The following LDB2 variants were observed in gnomAD, a reference collection of about 807,000 sequenced individuals.
The protein encoded by LDB2 is LIM domain-binding protein 2.
Under a neutral mutation model 44.3 loss-of-function variants are expected in LDB2, and 12 were observed. The observed-to-expected ratio is 0.27, with a 90% CI of 0.17 to 0.44. The LOEUF is 0.44. Among genes scored for constraint, LDB2 ranks in the 20% least tolerant of loss-of-function variants. LDB2 has a pLI of 1.00. For missense variants in LDB2, 344 were observed against 473.5 expected (o/e 0.73, Z 2.54); for synonymous variants, 164 against 174.8 (o/e 0.94, Z 0.49).
intron 1 of LDB2, among the ~76,000 whole-genome samples, chr4:16,867,142 T>G (rs1456727032): frequency 6.6e-6 from 1 of 152,118 alleles, no homozygotes; most frequent in Non-Finnish European, 1.5e-5. Context: ...GGAGCCAACA[T>G]CAACTGCCAG....
chr4:16,634,123 C>G (rs6849333), intron 2 of LDB2, among the ~76,000 whole-genome samples: 5 of 151,808 alleles, frequency 3.3e-5, no homozygotes, highest in Non-Finnish European at 7.4e-5. Flanking sequence ...CAAGATGGAT[C>G]AAAGACTTAA....
chr4:16,558,273 G>C (rs1577691356), intron 5 of LDB2, among the ~76,000 whole-genome samples: 1 of 152,052 alleles, frequency 6.6e-6, no homozygotes, highest in Non-Finnish European at 1.5e-5. Context: ...AGCTACAGGA[G>C]GAAATGCAAA....
At chr4:16,805,371 T>C (rs1778586233) in intron 1 of LDB2, among the ~76,000 whole-genome samples, 1 of 152,230 alleles carries the variant, frequency 6.6e-6, no homozygotes, top group South Asian at 2.1e-4. Context: ...CCAAAGTCAT[T>C]GGTTTATGAA....
chr4:16,742,765 A>AC (rs1561068979), intron 2 of LDB2, among the ~76,000 whole-genome samples: 2 of 152,140 alleles, frequency 1.3e-5, no homozygotes, highest in African/African-American at 4.8e-5. Flanking sequence ...GTCTCTTAAA[A>AC]ACCACAGAGT....
chr4:16,667,186 G>A (rs1229967399), intron 2 of LDB2, among the ~76,000 whole-genome samples: 1 of 152,086 alleles, frequency 6.6e-6, no homozygotes, highest in Non-Finnish European at 1.5e-5. Flanking sequence ...CACTGCTGAC[G>A]GTTCTCAAAA....
At chr4:16,567,852 A>G (rs1324567603) in intron 5 of LDB2, among the ~76,000 whole-genome samples, 2 of 152,210 alleles carry the variant, frequency 1.3e-5, no homozygotes, top group Non-Finnish European at 2.9e-5. Context: ...TTACAGTACA[A>G]ATACTTTTTT....
At chr4:16,712,764 A>G (rs1244127826) in intron 2 of LDB2, among the ~76,000 whole-genome samples, 3 of 152,202 alleles carry the variant, frequency 2.0e-5, no homozygotes, top group African/African-American at 7.2e-5. Context: ...GTGGGAATGT[A>G]AAATGGTGCA....
At chr4:16,890,617 T>C (rs1160635735) in intron 1 of LDB2, among the ~76,000 whole-genome samples, 1 of 152,120 alleles carries the variant, frequency 6.6e-6, no homozygotes, top group African/African-American at 2.4e-5. Flanking sequence ...ACCAATATGC[T>C]CCAGGACAGA....
At chr4:16,773,880 C>A (rs1771257145) in intron 1 of LDB2, among the ~76,000 whole-genome samples, 1 of 151,486 alleles carries the variant, frequency 6.6e-6, no homozygotes, top group Non-Finnish European at 1.5e-5. Context: ...TCAGGCCAGG[C>A]ACGGTGGATC....
intron 2 of LDB2, among the ~76,000 whole-genome samples, chr4:16,658,544 A>ATT (rs35258299): frequency 1.6e-4 from 24 of 150,784 alleles, no homozygotes; most frequent in Middle Eastern, 3.4e-3. Context: ...TCTAGATCTG[A>ATT]TTTTTTTTTT....
At chr4:16,771,546 A>G (rs1579514046) in intron 1 of LDB2, among the ~76,000 whole-genome samples, 1 of 151,714 alleles carries the variant, frequency 6.6e-6, no homozygotes, top group South Asian at 2.1e-4. Flanking sequence ...ATCTCCCCCA[A>G]CTCCATCCCC....
intron 2 of LDB2, among the ~76,000 whole-genome samples, chr4:16,688,564 T>C (rs775107356): frequency 2.0e-5 from 3 of 152,220 alleles, no homozygotes; most frequent in Non-Finnish European, 4.4e-5. Context: ...TAGATTATAA[T>C]ATGGGATCTG....
chr4:16,805,324 A>G (rs1317311061), intron 1 of LDB2, among the ~76,000 whole-genome samples: 1 of 152,254 alleles, frequency 6.6e-6, no homozygotes, highest in Admixed American at 6.5e-5. Context: ...GGGTAAGTCA[A>G]CAAACTCATT....
intron 1 of LDB2, among the ~76,000 whole-genome samples, chr4:16,873,063 T>A (rs1294470270): frequency 1.3e-5 from 2 of 152,144 alleles, no homozygotes; most frequent in Admixed American, 1.3e-4. Context: ...GTGGTAAAGA[T>A]GCTGTGAAGG....
chr4:16,700,698 CA>C (rs1314816544), intron 2 of LDB2, among the ~76,000 whole-genome samples: 8 of 152,166 alleles, frequency 5.3e-5, no homozygotes, highest in African/African-American at 1.9e-4. Flanking sequence ...TGTAAATATA[CA>C]AAGTGGGAGG....
At chr4:16,836,720 C>T (rs1784938446) in intron 1 of LDB2, among the ~76,000 whole-genome samples, 2 of 152,114 alleles carry the variant, frequency 1.3e-5, no homozygotes, top group African/African-American at 4.8e-5. Flanking sequence ...GTTACCAATG[C>T]TGTGCACAGA....
In LDB2 at chr4:16,803,128, T is replaced by C. The variant is rs141570366; in HGVS notation, c.133-43868A>G. Reference sequence around the variant, plus strand: ...CTGTTGGACTACATTAAGGATGGCATAGCTTATTTGTGCATTGGGCGAATA... The same window carrying C: ...CTGTTGGACTACATTAAGGATGGCACAGCTTATTTGTGCATTGGGCGAATA... On this transcript the variant is annotated intron_variant, in intron 1 of 7. Transcript: ENST00000304523. Among the ~76,000 whole-genome samples the C allele has an allele frequency of 6.0e-3, 909 of 152,334 alleles. 3 individuals carry two copies. Among genetic ancestry groups the C allele is most frequent in the Middle Eastern group, 0.048 (14 of 294 alleles).
intron 2 of LDB2, among the ~76,000 whole-genome samples, chr4:16,647,160 T>C (rs1578453620): frequency 6.6e-6 from 1 of 152,178 alleles, no homozygotes; most frequent in African/African-American, 2.4e-5. Context: ...TAGTACAACT[T>C]GGAGGAAACC....
chr4:16,678,863 A>T (rs191291069), intron 2 of LDB2, among the ~76,000 whole-genome samples: 1 of 152,308 alleles, frequency 6.6e-6, no homozygotes, highest in East Asian at 1.9e-4. Context: ...TTTCCCACCT[A>T]GACTTCACCT....
Sources: allele counts gnomAD v4.1 joint callset (sites outside exome capture counted in the v4.1 genomes callset), GRCh38; gene constraint gnomAD v4.1.1; transcripts MANE v1.5; gene names NCBI Gene and HGNC (gene_info 2026-07-23, HGNC 2026-07-21).